CUBN: variants seen among roughly 807,000 people sequenced by gnomAD.
CUBN encodes the protein 460 kDa receptor.
A neutral mutation model predicts 405.3 loss-of-function variants in CUBN; 282 were observed. The observed-to-expected ratio is 0.70, with a 90% CI of 0.63 to 0.77. The LOEUF (loss-of-function observed/expected upper bound fraction) is 0.77. CUBN is among the 30% of genes least tolerant of loss of function. The probability of loss-of-function intolerance (pLI) is 0.00; values close to 1 mark genes in which losing one functional copy is unlikely to be tolerated. For synonymous variants in CUBN, 1,684 were observed against 1,617.0 expected (o/e 1.04, Z -0.99); for missense variants, 4,514 against 4,475.2 (o/e 1.01, Z -0.25).
chr10:17,113,884 T>A, intron 8 of CUBN, 143 bp downstream of exon 8: 1 of 820,438 alleles, frequency 1.2e-6, no homozygotes, highest in Non-Finnish European at 2.1e-6. Flanking sequence ...AGCAGTGAGA[T>A]CGTCGAGCAG....
Position 16,904,115 on chromosome 10 carries a change from C to A in CUBN, c.7913G>T (p.Gly2638Val), listed in dbSNP as rs150330148. The change falls in exon 51 of 67, where the codon GGT becomes GTT. Residue 2638 changes from glycine to valine, a missense_variant and splice_region_variant. By Grantham distance (109) the Gly-to-Val change is moderately radical. Coordinates refer to ENST00000377833, the MANE Select transcript of CUBN (RefSeq NM_001081.4). ...CCACATCAGGGGCCCATCAGCATCA[C>A]CTGAACAAAATAATATACCAAGTGC... ...CQFDVLEFRV[G>V]DADGPLMWRL... The A allele has an allele frequency of 5.6e-6, 9 of 1,613,638 alleles. No individual in the cohort carries two copies. In the African/African-American group the frequency reaches 6.7e-5, roughly 12 times the overall value.
rs564705465 is a variant in CUBN, at chr10:17,024,721, G to C, written c.4018-4738C>G. Among the ~76,000 whole-genome samples the C allele has an allele frequency of 2.6e-5, 4 of 152,162 alleles. No homozygotes were observed. In the South Asian group the frequency reaches 8.3e-4, roughly 32 times the overall value. Reference sequence around the variant, plus strand: ...GAGTTTCGCCATGTTGCCCAGGCTGGTCTCGAACTCCTGGGCTCAAGCAAT... The same window carrying C: ...GAGTTTCGCCATGTTGCCCAGGCTGCTCTCGAACTCCTGGGCTCAAGCAAT... On this transcript the variant is annotated intron_variant, in intron 27 of 66. Transcript: ENST00000377833.
chr10:17,058,494 T>G (rs1327754394), intron 22 of CUBN, among the ~76,000 whole-genome samples: 1 of 151,946 alleles, frequency 6.6e-6, no homozygotes, highest in Non-Finnish European at 1.5e-5. Flanking sequence ...AAAATTGAAA[T>G]AGAGAAATAA....
At chr10:16,847,747 C>T (rs1038855045) in intron 60 of CUBN, among the ~76,000 whole-genome samples, 8 of 152,130 alleles carry the variant, frequency 5.3e-5, no homozygotes, top group Non-Finnish European at 8.8e-5. Context: ...ATTCAGTTAC[C>T]GTAATTACTC....
chr10:16,926,807 T>C (rs1254461386), intron 41 of CUBN, among the ~76,000 whole-genome samples: 24 of 97,876 alleles, frequency 2.5e-4, no homozygotes, highest in African/African-American at 9.5e-4. Flanking sequence ...TGAAATTTTT[T>C]TTTCTATCTA....
chr10:17,113,172 G>C (rs535007888), intron 8 of CUBN, among the ~76,000 whole-genome samples: 1 of 152,278 alleles, frequency 6.6e-6, no homozygotes, highest in South Asian at 2.1e-4. Context: ...GGGTGAGGCA[G>C]GAGAATCGCT....
At chr10:16,836,642 G>A (rs184076831) in intron 62 of CUBN, among the ~76,000 whole-genome samples, 6 of 152,314 alleles carry the variant, frequency 3.9e-5, no homozygotes, top group East Asian at 1.9e-4. Flanking sequence ...AAGATCCCTC[G>A]CCTTTTATGC....
chr10:16,954,510 G>A lies in CUBN; in HGVS notation c.4734C>T (p.Ala1578=). Residue 1578 remains alanine, a synonymous_variant, in exon 32 of 67, where the codon GCC becomes GCT. Coordinates refer to ENST00000377833, the MANE Select transcript of CUBN (RefSeq NM_001081.4). ...DGLSSTMSRL[A]RTCGREQLAN... is the part of the protein sequence containing the mutation. ...CCAGCTGCTCCCTTCCACACGTCCT[G>A]GCAAGGCGGGACATTGTGGAGCTTA... 1 of 1,613,822 alleles carries A rather than the reference G, an allele frequency of 6.2e-7. No individual in the cohort carries two copies. The highest frequency in any genetic ancestry group is 8.5e-7 in the Non-Finnish European group (1 of 1,180,004).
chr10:16,934,142 G>GGA (rs1057053356), intron 39 of CUBN, among the ~76,000 whole-genome samples: 183 of 152,238 alleles, frequency 1.2e-3, no homozygotes, highest in African/African-American at 4.3e-3. Context: ...AAAGCTAGGA[G>GGA]GAGAGAGAGA....
intron 31 of CUBN, among the ~76,000 whole-genome samples, chr10:16,962,473 C>T (rs1368912420): frequency 2.0e-5 from 3 of 152,102 alleles, no homozygotes; most frequent in African/African-American, 4.8e-5. Flanking sequence ...TAGGCAACTT[C>T]TGACCCAGCT....
chr10:16,927,022 T>G (rs1191525331), intron 41 of CUBN, among the ~76,000 whole-genome samples: 1 of 151,936 alleles, frequency 6.6e-6, no homozygotes, highest in Non-Finnish European at 1.5e-5. Context: ...ATTATACCAC[T>G]CACAGGTTAA....
Position 16,918,756 on chromosome 10 carries a change from T to G in CUBN, c.6866A>C (p.Asp2289Ala), listed in dbSNP as rs780390221. 1 of 1,613,914 alleles carries G rather than the reference T, an allele frequency of 6.2e-7. No individual in the cohort carries two copies. Among genetic ancestry groups the G allele is most frequent in the Admixed American group, 1.7e-5 (1 of 59,980 alleles). Residue 2289 changes from aspartate to alanine, a missense_variant, in exon 45 of 67, where the codon GAT becomes GCT. Asp to Ala is a moderately radical substitution (Grantham distance 126). Transcript: ENST00000377833. ...ACAAAATTTGGAAAGTATTGGTGCA[T>G]CCGAATCCACTCCATCCCGCAACTC... ...YLELRDGVDS[D>A]APILSKFCGT...
At chr10:16,842,519 T>G (rs779324414) in intron 60 of CUBN, among the ~76,000 whole-genome samples, 53 of 152,120 alleles carry the variant, frequency 3.5e-4, no homozygotes, top group Non-Finnish European at 2.5e-4. Context: ...TTCCTCTCTC[T>G]CTCTCTTCAC....
intron 8 of CUBN, 36 bp from the exon 9 acceptor site, chr10:17,111,086 T>A (rs368244784): frequency 3.1e-6 from 5 of 1,611,984 alleles, no homozygotes; most frequent in Admixed American, 1.7e-5. Context: ...TTTAGCTCTA[T>A]AGACAAGTCA....
intron 54 of CUBN, among the ~76,000 whole-genome samples, chr10:16,896,590 T>A (rs1841189599): frequency 6.6e-6 from 1 of 152,228 alleles, no homozygotes; most frequent in South Asian, 2.1e-4. Flanking sequence ...CTTTCAAGAC[T>A]TTTTGTTTGC....
At chr10:16,859,758 T>C (rs906854823) in intron 59 of CUBN, among the ~76,000 whole-genome samples, 4 of 152,148 alleles carry the variant, frequency 2.6e-5, no homozygotes, top group African/African-American at 9.7e-5. Flanking sequence ...TAATCCCATA[T>C]GGAAGCATAG....
intron 31 of CUBN, among the ~76,000 whole-genome samples, chr10:16,969,632 C>A (rs931838596): frequency 6.6e-6 from 1 of 152,124 alleles, no homozygotes; most frequent in Admixed American, 6.5e-5. Flanking sequence ...GGATTACAGG[C>A]GTGAGCCACT....
chr10:16,957,351 G>A (rs7071576), intron 31 of CUBN, among the ~76,000 whole-genome samples: 42,523 of 152,000 alleles, frequency 0.28, 6,247 homozygotes, highest in Non-Finnish European at 0.33. Context: ...CATCCATGAT[G>A]CCACAAATGA....
chr10:16,902,113 C>CATATATAGTATATATATACACACA (rs1177161806), intron 51 of CUBN, among the ~76,000 whole-genome samples: 4 of 127,774 alleles, frequency 3.1e-5, no homozygotes, highest in Non-Finnish European at 4.8e-5. Flanking sequence ...ACACACACAC[C>CATATATAGTATATATATACACACA]ATATATAGTA....
Sources: allele counts gnomAD v4.1 joint callset (sites outside exome capture counted in the v4.1 genomes callset), GRCh38; gene constraint gnomAD v4.1.1; transcripts MANE v1.5; gene names NCBI Gene and HGNC (gene_info 2026-07-23, HGNC 2026-07-21).